TAF3: variants seen among roughly 807,000 people sequenced by gnomAD.
TAF3 encodes the protein TATA-box binding protein associated factor 3, also known as transcription initiation factor TFIID subunit 3.
TAF3 carries 7 observed loss-of-function variants against 80.6 expected under a neutral mutation model. The observed-to-expected ratio is 0.09, with a 90% confidence interval of 0.05 to 0.16. The LOEUF is 0.16. Among genes scored for constraint, TAF3 ranks in the 10% least tolerant of loss-of-function variants. TAF3 has a pLI of 1.00. For synonymous variants in TAF3, 444 were observed against 446.1 expected (o/e 1.00, Z 0.06); for missense variants, 921 against 1,140.2 (o/e 0.81, Z 2.77).
intron 4 of TAF3, among the ~76,000 whole-genome samples, chr10:8,000,041 G>C (rs1831928017): frequency 1.3e-5 from 2 of 152,228 alleles, no homozygotes; most frequent in South Asian, 4.1e-4. Context: ...TTAATTTTAA[G>C]TGTATAACTC....
chr10:7,861,243 G>C (rs548421438), intron 2 of TAF3, among the ~76,000 whole-genome samples: 1 of 152,118 alleles, frequency 6.6e-6, no homozygotes, highest in Non-Finnish European at 1.5e-5. Context: ...GATTACAGGC[G>C]TGAGCCACCG....
intron 2 of TAF3, among the ~76,000 whole-genome samples, chr10:7,926,201 A>G (rs1014997000): frequency 1.3e-5 from 2 of 152,206 alleles, no homozygotes; most frequent in African/African-American, 4.8e-5. Context: ...AAATAATCGT[A>G]TGATATTTTC....
At chr10:7,967,821 A>G (rs2131414819) in intron 3 of TAF3, among the ~76,000 whole-genome samples, 1 of 152,314 alleles carries the variant, frequency 6.6e-6, no homozygotes, top group South Asian at 2.1e-4. Flanking sequence ...CATATCAGCT[A>G]GCCTGTGTTA....
intron 2 of TAF3, among the ~76,000 whole-genome samples, chr10:7,960,108 T>A (rs1486373002): frequency 1.3e-5 from 2 of 152,214 alleles, no homozygotes; most frequent in Non-Finnish European, 2.9e-5. Flanking sequence ...CCTTTATCAT[T>A]CTGTTTTGGC....
chr10:7,941,092 G>A (rs10795577), intron 2 of TAF3, among the ~76,000 whole-genome samples: 136,424 of 152,252 alleles, frequency 0.9, 61,247 homozygotes, highest in East Asian at 0.99. Flanking sequence ...GTAAAAGTTA[G>A]GTTGGAAACA....
rs1040174329 is a variant in TAF3 at position 8,016,629 on chromosome 10, A to T, written c.*1878A>T. On this transcript the variant is annotated 3_prime_UTR_variant, in exon 7 of 7. Transcript: ENST00000344293. ...CAAAATAAAGATTATTGGCTATTTC[A>T]TAGTTTGCTTTTCCATTTTCTTTAT... 6.6e-6 allele frequency: 1 copy of T among 152,188 alleles called. No homozygotes were observed. Among genetic ancestry groups the T allele is most frequent in the Non-Finnish European group, 1.5e-5 (1 of 68,042 alleles). The allele number at this position is 152,188 out of a possible 1,614,324, so 9.4% of individuals were successfully genotyped here.
chr10:7,975,543 A>T (rs563084461), intron 3 of TAF3, among the ~76,000 whole-genome samples: 3 of 152,254 alleles, frequency 2.0e-5, no homozygotes, highest in South Asian at 2.1e-4. Flanking sequence ...GCTCTAGGGG[A>T]TGGTTTTAGG....
intron 2 of TAF3, among the ~76,000 whole-genome samples, chr10:7,886,068 A>G (rs1387202340): frequency 6.6e-6 from 1 of 152,082 alleles, no homozygotes; most frequent in Non-Finnish European, 1.5e-5. Flanking sequence ...AGCTGGGACT[A>G]CAGGGGTCCA....
chr10:7,854,050 C>T (rs1025616832), intron 2 of TAF3, among the ~76,000 whole-genome samples: 1 of 152,220 alleles, frequency 6.6e-6, no homozygotes, highest in Non-Finnish European at 1.5e-5. Flanking sequence ...ATTCGCCCCA[C>T]TCAGCCAGTT....
At chr10:7,871,955 C>G (rs1837270529) in intron 2 of TAF3, among the ~76,000 whole-genome samples, 1 of 152,008 alleles carries the variant, frequency 6.6e-6, no homozygotes, top group Admixed American at 6.6e-5. Context: ...AGTGGGAAAC[C>G]ACGTTTCTGA....
chr10:7,974,524 T>A (rs573076276), intron 3 of TAF3, among the ~76,000 whole-genome samples: 1 of 152,218 alleles, frequency 6.6e-6, no homozygotes, highest in East Asian at 1.9e-4. Flanking sequence ...ATGAGATCAC[T>A]AAAGAAACTG....
chr10:7,938,620 G>A (rs892533245), intron 2 of TAF3, among the ~76,000 whole-genome samples: 5 of 152,156 alleles, frequency 3.3e-5, no homozygotes, highest in African/African-American at 1.2e-4. Flanking sequence ...ATGACCTGTT[G>A]AATTTGAAAT....
intron 2 of TAF3, among the ~76,000 whole-genome samples, chr10:7,909,501 T>TA (rs1246147686): frequency 6.6e-6 from 1 of 152,230 alleles, no homozygotes; most frequent in African/African-American, 2.4e-5. Flanking sequence ...TGTCATTGGA[T>TA]AAAGTGCTGC....
chr10:7,894,053 T>C (rs1370791786), intron 2 of TAF3, among the ~76,000 whole-genome samples: 1 of 152,208 alleles, frequency 6.6e-6, no homozygotes, highest in African/African-American at 2.4e-5. Context: ...ATTGCACATT[T>C]TGTTTTATTA....
At chr10:7,846,335 A>G (rs1406008805) in intron 2 of TAF3, among the ~76,000 whole-genome samples, 1 of 152,238 alleles carries the variant, frequency 6.6e-6, no homozygotes, top group Non-Finnish European at 1.5e-5. Context: ...TACTACTGGT[A>G]ATATAGAATA....
chr10:7,858,422 T>C (rs927825341), intron 2 of TAF3, among the ~76,000 whole-genome samples: 1 of 152,250 alleles, frequency 6.6e-6, no homozygotes, highest in East Asian at 1.9e-4. Flanking sequence ...CAATCGTTTA[T>C]GTCAGCTAGG....
At chr10:7,874,266 A>C (rs1483589022) in intron 2 of TAF3, among the ~76,000 whole-genome samples, 1 of 152,214 alleles carries the variant, frequency 6.6e-6, no homozygotes, top group Non-Finnish European at 1.5e-5. Context: ...CTGCATTTAA[A>C]CTTGTACTGA....
chr10:7,980,683 C>A (rs1036071499), intron 4 of TAF3, among the ~76,000 whole-genome samples: 1 of 152,184 alleles, frequency 6.6e-6, no homozygotes. Flanking sequence ...CTGGTCCAGC[C>A]TAGCAGAAGC....
chr10:7,910,023 C>A lies in TAF3; in HGVS notation c.410-53897C>A, dbSNP rs115096820. On this transcript the variant is annotated intron_variant, in intron 2 of 6. Transcript: ENST00000344293. Reference sequence around the variant, plus strand: ...ACTTATAATTAATATAACATAAATGCTATGTAAATAGTTGTTATACTGTAT... The same window carrying A: ...ACTTATAATTAATATAACATAAATGATATGTAAATAGTTGTTATACTGTAT... 8.5e-3 allele frequency among the ~76,000 whole-genome samples: 1,299 copies of A among 152,238 alleles called. 20 individuals are homozygous for A. Among genetic ancestry groups the A allele is most frequent in the African/African-American group, 0.029 (1,217 of 41,534 alleles).
Sources: allele counts gnomAD v4.1 joint callset (sites outside exome capture counted in the v4.1 genomes callset), GRCh38; gene constraint gnomAD v4.1.1; transcripts MANE v1.5; gene names NCBI Gene and HGNC (gene_info 2026-07-23, HGNC 2026-07-21).